FDX2: variants seen among roughly 807,000 people sequenced by gnomAD.
FDX2 encodes the protein ferredoxin-2, mitochondrial.
In FDX2, 13 loss-of-function variants were observed where a neutral mutation model predicts 18.5. The ratio of observed to expected loss-of-function variants is 0.70; its 90% confidence interval spans 0.46 to 1.12. FDX2 has a LOEUF of 1.12. Ranked by LOEUF, FDX2 falls within the 50% of genes most tolerant of loss-of-function variation. FDX2 has a pLI of 0.00. For missense variants in FDX2, 238 were observed against 250.4 expected (o/e 0.95, Z 0.34); for synonymous variants, 132 against 106.2 (o/e 1.24, Z -1.49).
At chr19:10,315,824 C>T (rs1349596496) in intron 1 of FDX2, 28 bp downstream of exon 1, 2 of 1,598,674 alleles carry the variant, frequency 1.3e-6, no homozygotes, top group Non-Finnish European at 1.7e-6. Flanking sequence ...GACGGATTAA[C>T]GCTGCCCGCC....
rs545301590 is a variant in FDX2 at position 10,311,914 on chromosome 19, A to G, written c.317-974T>C. On this transcript the variant is annotated intron_variant, in intron 3 of 4. Transcript: ENST00000393708. ...AGGTGGAGTTTCGCTCTCTTTGCCC[A>G]GGCTGGAGTGCAATGGTATGATCTC... is the stretch of plus-strand genomic sequence containing the variant. Among the ~76,000 whole-genome samples, 10 of 124,430 alleles carry G rather than the reference A, an allele frequency of 8.0e-5. No individual in the cohort carries two copies. The South Asian group carries it at 2.5e-3, about 31-fold the overall frequency. 81.6% of individuals were successfully genotyped at this position (124,430 alleles called of 152,430 possible). A position where few individuals can be genotyped will look rare whatever the true frequency, so the allele number is the denominator to read the frequency against.
At chr19:10,311,533 G>A (rs890724418) in intron 3 of FDX2, among the ~76,000 whole-genome samples, 2 of 151,744 alleles carry the variant, frequency 1.3e-5, no homozygotes, top group Non-Finnish European at 2.9e-5. Context: ...AAGTAGCTGG[G>A]ACTACAGGTG....
chr19:10,315,636 AC>A, intron 2 of FDX2, 68 bp downstream of exon 2: 2 of 1,529,760 alleles, frequency 1.3e-6, no homozygotes, highest in Non-Finnish European at 1.8e-6. Flanking sequence ...AGATGAAGCT[AC>A]AGGGCAAGAT....
At chr19:10,311,231 G>A (rs1431136048) in intron 3 of FDX2, among the ~76,000 whole-genome samples, 1 of 152,106 alleles carries the variant, frequency 6.6e-6, no homozygotes, top group Non-Finnish European at 1.5e-5. Context: ...TGGCTGCCAG[G>A]TAGCTGAGAG....
chr19:10,313,680 T>TTA (rs1386851349), intron 3 of FDX2, among the ~76,000 whole-genome samples: 1 of 70,746 alleles, frequency 1.4e-5, no homozygotes, highest in Non-Finnish European at 2.8e-5. Flanking sequence ...TATTTTTTTT[T>TTA]TTTTTTTTTT....
chr19:10,315,368 C>T lies in FDX2; in HGVS notation c.316+18G>A, dbSNP rs2040370823. 1.2e-5 allele frequency: 18 copies of T among 1,468,320 alleles called. No homozygotes were observed. The highest frequency in any genetic ancestry group is 1.5e-5 in the Non-Finnish European group (16 of 1,062,118). The allele number at this position is 1,468,320 out of a possible 1,614,324, so 91.0% of individuals were successfully genotyped here. ...AAATGTATAAGGACCTCCTTAATTC[C>T]CTCTGCCCGGTTCCTACCTTCCAGG... On this transcript the variant is annotated intron_variant, in intron 3 of 4. Coordinates refer to ENST00000393708, the MANE Select transcript of FDX2 (RefSeq NM_001031734.4).
At position 10,310,301 on chromosome 19, in the gene FDX2, A is replaced by T; in HGVS notation, c.*185T>A. 1.2e-6 allele frequency: 1 copy of T among 816,860 alleles called. No homozygotes were observed. Among genetic ancestry groups the T allele is most frequent in the Non-Finnish European group, 1.9e-6 (1 of 533,212 alleles). The allele number at this position is 816,860 out of a possible 1,614,324, so 50.6% of individuals were successfully genotyped here. On this transcript the variant is annotated 3_prime_UTR_variant, in exon 5 of 5. Coordinates refer to ENST00000393708, the MANE Select transcript of FDX2 (RefSeq NM_001031734.4). ...TCAGGGGCCTGGGGAAGGCCACCCC[A>T]CTAGGGGCCCTGTCCCCACCAGAGC... is the stretch of plus-strand genomic sequence containing the variant.
At chr19:10,315,323 T>C (rs2040369513) in intron 3 of FDX2, 63 bp downstream of exon 3, 1 of 925,262 alleles carries the variant, frequency 1.1e-6, no homozygotes, top group Non-Finnish European at 1.5e-6. Context: ...TTGTGGGTTT[T>C]TTTTTTTTTT....
In FDX2 at chr19:10,315,426, A is replaced by G. The variant is rs762719924; in HGVS notation, c.276T>C (p.Asn92=). The G allele has an allele frequency of 1.2e-5, 19 of 1,612,666 alleles. No individual in the cohort carries two copies. Among genetic ancestry groups the G allele is most frequent in the Non-Finnish European group, 1.6e-5 (19 of 1,179,812 alleles). Residue 92 remains asparagine (N), a synonymous_variant, in exon 3 of 5, where the codon AAT becomes AAC. Transcript: ENST00000393708. The stretch of plus-strand genomic sequence containing the variant: ...CGTGGCGCTGGGCCAGGTGAAGAAC[A>G]TTGTCCCCGACTCTGCCACTCACTG...
chr19:10,316,009 G>A lies in FDX2; in HGVS notation c.-4C>T, dbSNP rs1327625099. The A allele has an allele frequency of 1.1e-5, 18 of 1,598,672 alleles. No homozygotes were observed. Among genetic ancestry groups the A allele is most frequent in the Non-Finnish European group, 1.5e-5 (18 of 1,176,174 alleles). ...TGGAGGCGGCCATGACATGCATCAC[G>A]TGACTCACCGACTGAGCATGCGCCG... is the stretch of plus-strand genomic sequence containing the variant. On this transcript the variant is annotated 5_prime_UTR_variant, in exon 1 of 5. The change creates a new upstream start codon in the 5' untranslated region. Coordinates refer to ENST00000393708, the MANE Select transcript of FDX2 (RefSeq NM_001031734.4).
In FDX2 at chr19:10,315,384, A is replaced by G. The variant is rs867055836; in HGVS notation, c.316+2T>C. 1 of 1,589,762 alleles carries G rather than the reference A, an allele frequency of 6.3e-7. No homozygotes were observed. The highest frequency in any genetic ancestry group is 8.5e-7 in the Non-Finnish European group (1 of 1,173,836). On this transcript the variant is annotated splice_donor_variant, in intron 3 of 4. Transcript: ENST00000393708. LOFTEE classifies it high-confidence loss of function. ...CCTTAATTCCCTCTGCCCGGTTCCT[A>G]CCTTCCAGGTCCACCCCGTGGCGCT...
In FDX2 at chr19:10,313,745, C is replaced by T. The variant is rs1354946400; in HGVS notation, c.316+1641G>A. 7.8e-5 allele frequency among the ~76,000 whole-genome samples: 9 copies of T among 115,700 alleles called. No homozygotes were observed. In the South Asian group the frequency reaches 1.9e-3, roughly 24 times the overall value. The allele number at this position is 115,700 out of a possible 152,430, so 75.9% of individuals were successfully genotyped here. A position where few individuals can be genotyped will look rare whatever the true frequency, so the allele number is the denominator to read the frequency against. On this transcript the variant is annotated intron_variant, in intron 3 of 4. Transcript: ENST00000393708. ...TGTCGCCCAGGCTGGAGTGCAGTGG[C>T]GTGATCTTGGCTCACTGCAAGCTCC... is the stretch of plus-strand genomic sequence containing the variant.
At chr19:10,315,202 C>A (rs757749075) in intron 3 of FDX2, 184 bp downstream of exon 3, 1 of 560,266 alleles carries the variant, frequency 1.8e-6, no homozygotes, top group Non-Finnish European at 3.2e-6. Flanking sequence ...TCCTAGTGAT[C>A]TCTAATAAAT....
At chr19:10,310,739 G>A in intron 4 of FDX2, 97 bp from the exon 5 acceptor site, 1 of 1,452,388 alleles carries the variant, frequency 6.9e-7, no homozygotes, top group East Asian at 2.4e-5. Flanking sequence ...TGAGCGCAGG[G>A]GGTAGTGGTG....
In FDX2 at chr19:10,310,960, G is replaced by T; in HGVS notation, c.317-20C>A. The stretch of plus-strand genomic sequence containing the variant: ...AGGCCCCTAGGGGTGGGAAGTGAAG[G>T]GGGCGCAGGTGAGTGGCAGAGTCAG... On this transcript the variant is annotated intron_variant, in intron 3 of 4. Transcript: ENST00000393708. 1 of 1,587,540 alleles carries T rather than the reference G, an allele frequency of 6.3e-7. No individual in the cohort carries two copies. Among genetic ancestry groups the T allele is most frequent in the East Asian group, 2.2e-5 (1 of 44,664 alleles).
At chr19:10,311,959 C>T (rs1397837766) in intron 3 of FDX2, among the ~76,000 whole-genome samples, 1 of 149,982 alleles carries the variant, frequency 6.7e-6, no homozygotes, top group Non-Finnish European at 1.5e-5. Context: ...CAACCTCTGC[C>T]TCCCAGGTTC....
intron 4 of FDX2, 42 bp from the exon 5 acceptor site, chr19:10,310,684 G>A: frequency 6.2e-7 from 1 of 1,600,094 alleles, no homozygotes. Context: ...GGGCAAGCTA[G>A]CTGGGTGGGT....
Position 10,315,326 on chromosome 19 carries a change from T to TTTTG in FDX2, c.316+59_316+60insCAAA. 3 of 1,006,798 alleles carry TTTTG rather than the reference T, an allele frequency of 3.0e-6. 1 individual carries two copies. The highest frequency in any genetic ancestry group is 4.2e-6 in the Non-Finnish European group (3 of 721,358). 62.4% of individuals were successfully genotyped at this position (1,006,798 alleles called of 1,614,324 possible). ...GACACACCTAATTTGTGGGTTTTTT[T>TTTTG]TTTTTTTTTTTTGGACAAATGTATA... On this transcript the variant is annotated intron_variant, in intron 3 of 4. Coordinates refer to ENST00000393708, the MANE Select transcript of FDX2 (RefSeq NM_001031734.4).
intron 3 of FDX2, among the ~76,000 whole-genome samples, chr19:10,311,826 A>AT: frequency 6.9e-6 from 1 of 145,464 alleles, no homozygotes; most frequent in East Asian, 2.0e-4. Flanking sequence ...CAGCCTCCCG[A>AT]GTAGCTGGGA....
Sources: gnomAD v4.1 joint callset for allele counts (sites outside exome capture counted in the v4.1 genomes callset) on GRCh38, gnomAD v4.1.1 for gene constraint, MANE v1.5 for transcripts, NCBI Gene and HGNC (gene_info 2026-07-23, HGNC 2026-07-21) for gene names.